The following SGCZ variants were observed in gnomAD, a reference collection of about 807,000 sequenced individuals.
SGCZ encodes the protein sarcoglycan zeta.
A neutral mutation model predicts 41.3 loss-of-function variants in SGCZ; 40 were observed. The observed-to-expected ratio is 0.97, with a 90% CI of 0.75 to 1.26. SGCZ has a LOEUF of 1.26. Among genes scored for constraint, SGCZ ranks in the 50% most tolerant of loss-of-function variants. The pLI is 0.00. For missense variants in SGCZ, 552 were observed against 369.8 expected (o/e 1.49, Z -4.04); for synonymous variants, 206 against 137.5 (o/e 1.50, Z -3.49).
intron 2 of SGCZ, among the ~76,000 whole-genome samples, chr8:14,439,120 A>G (rs919819932): frequency 1.3e-5 from 2 of 151,920 alleles, no homozygotes; most frequent in African/African-American, 4.8e-5. Context: ...CGATTCCCCT[A>G]TGGGCTCTGC....
At chr8:14,657,891 G>T (rs568271908) in intron 1 of SGCZ, among the ~76,000 whole-genome samples, 1 of 152,058 alleles carries the variant, frequency 6.6e-6, no homozygotes, top group Admixed American at 6.5e-5. Context: ...ATCCTAATAA[G>T]AATCAGGCTT....
intron 3 of SGCZ, among the ~76,000 whole-genome samples, chr8:14,301,302 G>A (rs1263983316): frequency 6.6e-6 from 1 of 151,782 alleles, no homozygotes. Context: ...GCTGATCCAT[G>A]TTTTCTGATA....
chr8:15,039,705 T>A (rs1056583542), intron 1 of SGCZ, among the ~76,000 whole-genome samples: 3 of 152,230 alleles, frequency 2.0e-5, no homozygotes, highest in African/African-American at 7.2e-5. Context: ...CTGACTATGA[T>A]ATTTTTTAAA....
chr8:14,728,019 C>A (rs550400044), intron 1 of SGCZ, among the ~76,000 whole-genome samples: 1 of 152,066 alleles, frequency 6.6e-6, no homozygotes, highest in Non-Finnish European at 1.5e-5. Context: ...CTTGATGCGT[C>A]CATTTATATG....
At chr8:14,497,175 A>T (rs1356720848) in intron 2 of SGCZ, among the ~76,000 whole-genome samples, 1 of 152,140 alleles carries the variant, frequency 6.6e-6, no homozygotes, top group African/African-American at 2.4e-5. Context: ...AGGCTGGGTA[A>T]TTTATTTTTT....
At chr8:14,240,051 G>A (rs1036865592) in intron 3 of SGCZ, among the ~76,000 whole-genome samples, 3 of 151,918 alleles carry the variant, frequency 2.0e-5, no homozygotes, top group African/African-American at 7.3e-5. Context: ...TTTAGTCCGG[G>A]CGTGGTGGCT....
At chr8:14,589,322 G>C (rs552762961) in intron 1 of SGCZ, among the ~76,000 whole-genome samples, 101 of 146,574 alleles carry the variant, frequency 6.9e-4, no homozygotes, top group African/African-American at 2.5e-3. Flanking sequence ...CTCCAGCCTG[G>C]ATGACAGAGT....
chr8:14,180,059 G>T lies in SGCZ; in HGVS notation c.425-15357C>A, dbSNP rs550444450. ...GTGGCAAAAATAACCAATGAGAATG[G>T]TACCTGCAGGGTTTTGGTCTCAATT... On this transcript the variant is annotated intron_variant, in intron 4 of 7. Transcript: ENST00000382080. 2.3e-4 allele frequency among the ~76,000 whole-genome samples: 35 copies of T among 152,262 alleles called. No individual in the cohort carries two copies. The South Asian group carries it at 7.2e-3, about 32-fold the overall frequency.
intron 1 of SGCZ, among the ~76,000 whole-genome samples, chr8:14,956,039 CT>C (rs71884770): frequency 0.27 from 32,250 of 119,790 alleles, 2,379 homozygotes; most frequent in Non-Finnish European, 0.3. Context: ...ACTACTTTTA[CT>C]TTTTTTTTTT....
chr8:14,674,968 T>G, intron 1 of SGCZ, among the ~76,000 whole-genome samples: 1 of 126,346 alleles, frequency 7.9e-6, no homozygotes, highest in Non-Finnish European at 1.6e-5. Context: ...AGATGGAGTC[T>G]CCCTCTGTCG....
At chr8:14,248,789 G>C (rs879691767) in intron 3 of SGCZ, among the ~76,000 whole-genome samples, 1 of 151,546 alleles carries the variant, frequency 6.6e-6, no homozygotes, top group Non-Finnish European at 1.5e-5. Flanking sequence ...TGGATTATGA[G>C]GGGTTTTAAA....
intron 2 of SGCZ, among the ~76,000 whole-genome samples, chr8:14,486,603 T>C (rs1801682896): frequency 6.6e-6 from 1 of 152,224 alleles, no homozygotes; most frequent in East Asian, 1.9e-4. Context: ...CACGTGTGTC[T>C]TTCTCTGCTG....
chr8:14,904,265 C>T (rs1030408258), intron 1 of SGCZ, among the ~76,000 whole-genome samples: 4 of 151,944 alleles, frequency 2.6e-5, no homozygotes, highest in African/African-American at 9.7e-5. Flanking sequence ...TTTCTCCATC[C>T]CTGTGGTCGT....
At chr8:14,724,686 G>C (rs10099832) in intron 1 of SGCZ, among the ~76,000 whole-genome samples, 1 of 79,308 alleles carries the variant, frequency 1.3e-5, no homozygotes, top group African/African-American at 3.3e-5. Context: ...TTATCACTAA[G>C]TGATATATAT....
Position 15,022,622 on chromosome 8 carries a change from G to A in SGCZ, c.39+214963C>T, listed in dbSNP as rs373381314. On this transcript the variant is annotated intron_variant, in intron 1 of 7. Transcript: ENST00000382080. Reference sequence around the variant, plus strand: ...CTCACAAAGTGCTGGGATCACAGGCGTGAACCATCGTGCCTGGCCTAAATG... The same window carrying A: ...CTCACAAAGTGCTGGGATCACAGGCATGAACCATCGTGCCTGGCCTAAATG... 1.9e-4 allele frequency among the ~76,000 whole-genome samples: 29 copies of A among 152,230 alleles called. 1 individual carries two copies. The South Asian group carries it at 4.1e-3, about 22-fold the overall frequency.
chr8:14,261,726 T>C (rs1298499433), intron 3 of SGCZ, among the ~76,000 whole-genome samples: 1 of 152,172 alleles, frequency 6.6e-6, no homozygotes, highest in African/African-American at 2.4e-5. Context: ...ATTCTCACGC[T>C]GAAGATTCAC....
intron 1 of SGCZ, among the ~76,000 whole-genome samples, chr8:14,831,075 T>C (rs1026148840): frequency 2.0e-5 from 3 of 152,314 alleles, no homozygotes; most frequent in African/African-American, 7.2e-5. Context: ...GTTTCCTTGC[T>C]CATAATATGA....
At chr8:14,415,001 A>G (rs1413772605) in intron 2 of SGCZ, among the ~76,000 whole-genome samples, 3 of 151,908 alleles carry the variant, frequency 2.0e-5, no homozygotes, top group African/African-American at 7.2e-5. Flanking sequence ...ATTTTGGAAA[A>G]TTGTGCTTAA....
chr8:15,133,834 T>C (rs534066130), intron 1 of SGCZ, among the ~76,000 whole-genome samples: 15 of 152,304 alleles, frequency 9.8e-5, no homozygotes, highest in African/African-American at 3.4e-4. Context: ...TAATTTCAGA[T>C]TTGTGAAAAA....
Sources: allele counts gnomAD v4.1 joint callset (sites outside exome capture counted in the v4.1 genomes callset), GRCh38; gene constraint gnomAD v4.1.1; transcripts MANE v1.5; gene names NCBI Gene and HGNC (gene_info 2026-07-23, HGNC 2026-07-21).